The following SHB variants were observed in gnomAD, a reference collection of about 807,000 sequenced individuals.
SHB encodes the protein SH2 domain-containing adapter protein B.
A neutral mutation model predicts 52.3 loss-of-function variants in SHB; 20 were observed. That is an observed-to-expected ratio of 0.38 (90% CI 0.27 to 0.56). SHB has a LOEUF of 0.56. Among genes scored for constraint, SHB ranks in the 20% least tolerant of loss-of-function variants. The pLI is 0.71. For missense variants in SHB, 825 were observed against 723.3 expected, an observed-to-expected ratio of 1.14 and a Z score of -1.61; for synonymous variants, 397 against 316.5, an observed-to-expected ratio of 1.25 and a Z score of -2.70.
rs375572008 is a variant in SHB, at chr9:37,948,694, C to T, written c.1287G>A (p.Glu429=). Residue 429 remains glutamate (E), a synonymous_variant, in exon 5 of 6, where the codon GAG becomes GAA. Coordinates refer to ENST00000377707, the MANE Select transcript of SHB (RefSeq NM_003028.3). ...DAENLLRLCK[E]CSYLVRNSQT... is the part of the protein sequence containing the mutation. ...GGCTGTTCCGGACAAGGTAGCTACA[C>T]TCCTTGCAGAGTCGCAGCAGGTTCT... The T allele has an allele frequency of 2.2e-5, 36 of 1,613,880 alleles. No individual in the cohort carries two copies. The African/African-American group carries it at 4.5e-4, about 20-fold the overall frequency.
At chr9:38,060,584 G>A (rs899805790) in intron 1 of SHB, among the ~76,000 whole-genome samples, 5 of 152,222 alleles carry the variant, frequency 3.3e-5, no homozygotes, top group African/African-American at 7.2e-5. Flanking sequence ...AAGGACTGTA[G>A]TGAGGAGTAA....
intron 5 of SHB, among the ~76,000 whole-genome samples, chr9:37,920,807 G>A (rs909442357): frequency 6.6e-6 from 1 of 152,188 alleles, no homozygotes; most frequent in Non-Finnish European, 1.5e-5. Flanking sequence ...GCTCCTCTGA[G>A]CATGCCATGG....
intron 1 of SHB, among the ~76,000 whole-genome samples, chr9:38,056,157 G>A (rs760019576): frequency 9.2e-5 from 14 of 151,960 alleles, no homozygotes; most frequent in Non-Finnish European, 1.8e-4. Flanking sequence ...AGTCTCAAAA[G>A]GTACCTGAAG....
Position 37,919,673 on chromosome 9 carries a change from A to G in SHB, c.*148T>C. The G allele has an allele frequency of 1.7e-6, 1 of 600,232 alleles. No homozygotes were observed. Among genetic ancestry groups the G allele is most frequent in the Non-Finnish European group, 2.9e-6 (1 of 342,578 alleles). The allele number at this position is 600,232 out of a possible 1,614,324, so 37.2% of individuals were successfully genotyped here. A position where few individuals can be genotyped will look rare whatever the true frequency, so the allele number is the denominator to read the frequency against. On this transcript the variant is annotated 3_prime_UTR_variant, in exon 6 of 6. Coordinates refer to ENST00000377707, the MANE Select transcript of SHB (RefSeq NM_003028.3). The stretch of plus-strand genomic sequence containing the variant: ...TTCTCCAGCCCCCGTAAGTGGCAAC[A>G]GCATTCTAGAGACATGCAGTGGTGT...
chr9:38,004,951 G>A (rs1821061286), intron 2 of SHB, among the ~76,000 whole-genome samples: 1 of 152,240 alleles, frequency 6.6e-6, no homozygotes, highest in South Asian at 2.1e-4. Flanking sequence ...CTCACCATGT[G>A]CACACATCAT....
chr9:37,954,927 G>A (rs1430873229), intron 4 of SHB, among the ~76,000 whole-genome samples: 1 of 152,112 alleles, frequency 6.6e-6, no homozygotes, highest in South Asian at 2.1e-4. Context: ...GCCCTGCACA[G>A]TGCTGGGGGG....
intron 1 of SHB, among the ~76,000 whole-genome samples, chr9:38,020,657 G>A (rs1001311786): frequency 3.3e-5 from 5 of 152,094 alleles, no homozygotes; most frequent in Non-Finnish European, 7.3e-5. Flanking sequence ...TGAGCAATTC[G>A]GCCTGTGCAG....
At chr9:37,965,555 A>T (rs1832739586) in intron 3 of SHB, among the ~76,000 whole-genome samples, 1 of 151,080 alleles carries the variant, frequency 6.6e-6, no homozygotes, top group Non-Finnish European at 1.5e-5. Flanking sequence ...GGTTTTCCTG[A>T]GACCCGATTT....
intron 2 of SHB, among the ~76,000 whole-genome samples, chr9:37,985,427 G>A (rs1427449347): frequency 1.3e-5 from 2 of 152,258 alleles, no homozygotes; most frequent in Non-Finnish European, 2.9e-5. Context: ...GCTCTGCAAT[G>A]ATCCACAGTG....
intron 1 of SHB, among the ~76,000 whole-genome samples, chr9:38,063,094 T>A (rs749219056): frequency 5.9e-5 from 9 of 152,238 alleles, no homozygotes; most frequent in Non-Finnish European, 1.3e-4. Context: ...AAAACTGGAT[T>A]TGATACGCAG....
intron 3 of SHB, among the ~76,000 whole-genome samples, chr9:37,959,401 G>T (rs1333966966): frequency 6.6e-6 from 1 of 152,178 alleles, no homozygotes; most frequent in Admixed American, 6.5e-5. Context: ...GGCTGCCAGC[G>T]TTGAAGGGCT....
intron 2 of SHB, 92 bp from the exon 3 acceptor site, chr9:37,974,929 C>T (rs1820637596): frequency 9.1e-6 from 10 of 1,103,078 alleles, no homozygotes; most frequent in African/African-American, 1.6e-5. Flanking sequence ...CTCAGAGCTG[C>T]CAGCGGGGAG....
At chr9:37,938,227 C>T (rs62540308) in intron 5 of SHB, among the ~76,000 whole-genome samples, 2,640 of 152,286 alleles carry the variant, frequency 0.017, 24 homozygotes, top group Admixed American at 0.028. Context: ...GAGGCTGAGA[C>T]GGGAAGTGAC....
At position 37,954,187 on chromosome 9, in the gene SHB, C is replaced by T. The variant is rs568911166; in HGVS notation, c.1226+1696G>A. Among the ~76,000 whole-genome samples the T allele has an allele frequency of 1.2e-4, 18 of 152,310 alleles. No individual in the cohort carries two copies. The South Asian group carries it at 3.3e-3, about 28-fold the overall frequency. On this transcript the variant is annotated intron_variant, in intron 4 of 5. Transcript: ENST00000377707. ...GGCTGTGAGAAATGATTCACAGCAC[C>T]GGCTGGGAGCACTCACAAAGGTGGC...
In SHB at chr9:37,918,358, G is replaced by A. The variant is rs1832128112; in HGVS notation, c.*1463C>T. ...CCCTGCTATGGCAAGCAAGAGAGAG[G>A]TCGCGTGTGCGTGTGCGTGTGTAGG... On this transcript the variant is annotated 3_prime_UTR_variant, in exon 6 of 6. Coordinates refer to ENST00000377707, the MANE Select transcript of SHB (RefSeq NM_003028.3). 1.3e-5 allele frequency among the ~76,000 whole-genome samples: 2 copies of A among 149,240 alleles called. No homozygotes were observed. Among genetic ancestry groups the A allele is most frequent in the Admixed American group, 1.3e-4 (2 of 14,942 alleles).
At chr9:38,037,598 ATAGTAACAGAACCCACCTCAGTGCT>A (rs1478652706) in intron 1 of SHB, among the ~76,000 whole-genome samples, 17 of 152,280 alleles carry the variant, frequency 1.1e-4, no homozygotes, top group African/African-American at 3.9e-4. Flanking sequence ...TAAAGTGGGG[ATAGTAACAGAACCCACCTCAGTGCT>A]TGGCAACAGG....
chr9:37,931,922 A>G (rs1159083561), intron 5 of SHB, among the ~76,000 whole-genome samples: 4 of 152,218 alleles, frequency 2.6e-5, no homozygotes, highest in Admixed American at 2.6e-4. Context: ...AGATCTTGTC[A>G]TTCACCACAC....
At chr9:37,949,873 G>A (rs1343377917) in intron 4 of SHB, among the ~76,000 whole-genome samples, 1 of 152,226 alleles carries the variant, frequency 6.6e-6, no homozygotes, top group Non-Finnish European at 1.5e-5. Flanking sequence ...CTGAGGGGAG[G>A]AGTGCCGTGC....
rs540846975 is a variant in SHB at position 37,919,489 on chromosome 9, C to T, written c.*332G>A. ...AAAGAGATGTCAGCCAGGGAGCTCC[C>T]GCCCCACCCTACCCCGCCCCTCGGA... On this transcript the variant is annotated 3_prime_UTR_variant, in exon 6 of 6. Coordinates refer to ENST00000377707, the MANE Select transcript of SHB (RefSeq NM_003028.3). 3.1e-4 allele frequency: 56 copies of T among 182,634 alleles called. 2 individuals are homozygous for T. Among genetic ancestry groups the T allele is most frequent in the South Asian group, 1.0e-3 (9 of 8,694 alleles). 11.3% of individuals were successfully genotyped at this position (182,634 alleles called of 1,614,324 possible). A position where few individuals can be genotyped will look rare whatever the true frequency, so the allele number is the denominator to read the frequency against.
Sources: gnomAD v4.1 joint callset for allele counts (sites outside exome capture counted in the v4.1 genomes callset) on GRCh38, gnomAD v4.1.1 for gene constraint, MANE v1.5 for transcripts, NCBI Gene and HGNC (gene_info 2026-07-23, HGNC 2026-07-21) for gene names.